The following TRIM8 variants were observed in gnomAD, a reference collection of about 807,000 sequenced individuals.
TRIM8 encodes tripartite motif containing 8.
Under a neutral mutation model 55.7 loss-of-function variants are expected in TRIM8, and 9 were observed. That is an observed-to-expected ratio of 0.16 (90% CI 0.10 to 0.28). The LOEUF (loss-of-function observed/expected upper bound fraction) is 0.28, where lower values mean the gene tolerates loss of function less well. Ranked by LOEUF, TRIM8 falls within the 10% of genes least tolerant of loss-of-function variation. The probability of loss-of-function intolerance (pLI) is 1.00; values close to 1 mark genes in which losing one functional copy is unlikely to be tolerated. For synonymous variants in TRIM8, 335 were observed against 333.3 expected, an observed-to-expected ratio of 1.01 and a Z score of -0.06; for missense variants, 556 against 736.4, an observed-to-expected ratio of 0.76 and a Z score of 2.83.
chr10:102,656,091 T>C lies in TRIM8; in HGVS notation c.901-15T>C. 6.2e-7 allele frequency: 1 copy of C among 1,614,010 alleles called. No homozygotes were observed. Among genetic ancestry groups the C allele is most frequent in the Non-Finnish European group, 8.5e-7 (1 of 1,179,998 alleles). On this transcript the variant is annotated splice_polypyrimidine_tract_variant and intron_variant, in intron 3 of 5. Transcript: ENST00000643721. This position sits in a 1 kb window ranked among gnomAD's most constrained non-coding sequence, Gnocchi z 4.6. ...TGCCTTTTCCACTGACTTGACTCTT[T>C]TCTCTCCCCAACAGAACACCAAGTC...
rs1165525494 is a variant in TRIM8 at position 102,657,859 on chromosome 10, T to A, written c.*505T>A. 1 of 152,630 alleles carries A rather than the reference T, an allele frequency of 6.6e-6. No homozygotes were observed. Among genetic ancestry groups the A allele is most frequent in the Non-Finnish European group, 1.5e-5 (1 of 68,132 alleles). The allele number at this position is 152,630 out of a possible 1,614,324, so 9.5% of individuals were successfully genotyped here. ...TAGATTGTGCGACTTTTGTTTTTGT[T>A]TTTTTAAATTTTTTTAAACCAAGAA... is the stretch of plus-strand genomic sequence containing the variant. On this transcript the variant is annotated 3_prime_UTR_variant, in exon 6 of 6. Coordinates refer to ENST00000643721, the MANE Select transcript of TRIM8 (RefSeq NM_030912.3).
intron 3 of TRIM8, among the ~76,000 whole-genome samples, chr10:102,655,860 G>A (rs1365155086): frequency 6.6e-6 from 1 of 152,098 alleles, no homozygotes; most frequent in Non-Finnish European, 1.5e-5. Context: ...CCTTCTCCTC[G>A]GGTATGGATG....
At chr10:102,649,053 T>TGTGTGC (rs780134238) in intron 1 of TRIM8, among the ~76,000 whole-genome samples, 1 of 152,120 alleles carries the variant, frequency 6.6e-6, no homozygotes, top group South Asian at 2.1e-4. Context: ...TGTGTGTGTG[T>TGTGTGC]GCGTGCATGT....
At chr10:102,655,785 A>ATT (rs2064018871) in intron 3 of TRIM8, among the ~76,000 whole-genome samples, 1 of 152,216 alleles carries the variant, frequency 6.6e-6, no homozygotes, top group African/African-American at 2.4e-5. Context: ...AATCCAAAAA[A>ATT]TTCCAAATTC....
chr10:102,656,580 G>T lies in TRIM8; in HGVS notation c.1049-167G>T. 7.7e-7 allele frequency: 1 copy of T among 1,305,898 alleles called. No homozygotes were observed. Among genetic ancestry groups the T allele is most frequent in the East Asian group, 2.5e-5 (1 of 40,068 alleles). 80.9% of individuals were successfully genotyped at this position (1,305,898 alleles called of 1,614,324 possible). A position where few individuals can be genotyped will look rare whatever the true frequency, so the allele number is the denominator to read the frequency against. On this transcript the variant is annotated intron_variant, in intron 5 of 5. Transcript: ENST00000643721. This position sits in a 1 kb window ranked among gnomAD's most constrained non-coding sequence, Gnocchi z 4.6. Reference sequence around the variant, plus strand: ...GCCTCCATTTCTTCAGCTTAAAGTGGGGATATAACTATTCTGTACCTCCTA... The same window carrying T: ...GCCTCCATTTCTTCAGCTTAAAGTGTGGATATAACTATTCTGTACCTCCTA...
intron 1 of TRIM8, among the ~76,000 whole-genome samples, chr10:102,646,547 G>A (rs1410801994): frequency 1.3e-5 from 2 of 152,202 alleles, no homozygotes; most frequent in Admixed American, 6.5e-5. Context: ...AGGCTGGGGC[G>A]GGGGCAGCAA....
intron 1 of TRIM8, chr10:102,653,438 T>A (rs2064000250): frequency 6.6e-6 from 1 of 152,594 alleles, no homozygotes; most frequent in African/African-American, 2.4e-5. Context: ...AGAGCCTTCA[T>A]TGCCATGCTA....
In TRIM8 at chr10:102,644,484, C is replaced by T. The variant is rs1162210420; in HGVS notation, c.-134C>T. On this transcript the variant is annotated 5_prime_UTR_variant, in exon 1 of 6. Coordinates refer to ENST00000643721, the MANE Select transcript of TRIM8 (RefSeq NM_030912.3). Reference sequence around the variant, plus strand: ...CTCCGGGGGGCGGGCACGCGGAAGGCGCTGCTGACTGAGCGACCGTCGGGG... The same window carrying T: ...CTCCGGGGGGCGGGCACGCGGAAGGTGCTGCTGACTGAGCGACCGTCGGGG... 34 of 780,664 alleles carry T rather than the reference C, an allele frequency of 4.4e-5. No individual in the cohort carries two copies. Among genetic ancestry groups the T allele is most frequent in the Non-Finnish European group, 4.6e-5 (24 of 526,222 alleles). 48.4% of individuals were successfully genotyped at this position (780,664 alleles called of 1,614,324 possible).
intron 1 of TRIM8, among the ~76,000 whole-genome samples, chr10:102,651,007 C>A (rs970307499): frequency 6.6e-6 from 1 of 152,180 alleles, no homozygotes; most frequent in Non-Finnish European, 1.5e-5. Flanking sequence ...TTCTCCCAGG[C>A]GCTGTCTGTA....
chr10:102,656,802 C>T lies in TRIM8; in HGVS notation c.1104C>T (p.Gly368=), dbSNP rs766663012. 12 of 1,521,292 alleles carry T rather than the reference C, an allele frequency of 7.9e-6. No individual in the cohort carries two copies. The Admixed American group carries it at 2.0e-4, about 25-fold the overall frequency. 94.2% of individuals were successfully genotyped at this position (1,521,292 alleles called of 1,614,324 possible). A position where few individuals can be genotyped will look rare whatever the true frequency, so the allele number is the denominator to read the frequency against. The change falls in exon 6 of 6, where the codon GGC becomes GGT. Residue 368 remains glycine (G), a synonymous_variant. Coordinates refer to ENST00000643721, the MANE Select transcript of TRIM8 (RefSeq NM_030912.3). The surrounding 1 kb of genome is among the most constrained non-coding windows in gnomAD (Gnocchi z 4.6). The stretch of plus-strand genomic sequence containing the variant: ...AGAGTGTCCCCCTGTACCCTTGCGG[C>T]GTGAGCAGCTCTGGGGCGGAAAAGC... ...FLQSVPLYPC[G]VSSSGAEKRK... is the part of the protein sequence containing the mutation.
chr10:102,654,935 G>A, intron 2 of TRIM8, 145 bp from the exon 3 acceptor site: 1 of 994,674 alleles, frequency 1.0e-6, no homozygotes, highest in Middle Eastern at 2.6e-4. Context: ...CTACCAGTGG[G>A]GAACTGGCAG....
rs1423349517 is a variant in TRIM8 at position 102,656,969 on chromosome 10, A to G, written c.1271A>G (p.His424Arg). ...QPLGPCSSTQ[H>R]LVALPGGAQP... is the part of the protein sequence containing the mutation. ...CTGGGGCCCTGCAGCTCCACGCAGC[A>G]CTTGGTGGCCCTGCCGGGCGGCGCC... Residue 424 changes from histidine (H) to arginine (R), a missense_variant, in exon 6 of 6, where the codon CAC becomes CGC. By Grantham distance (29) the His-to-Arg change is conservative (BLOSUM62 0). Transcript: ENST00000643721. This position sits in a 1 kb window ranked among gnomAD's most constrained non-coding sequence, Gnocchi z 4.6. The G allele has an allele frequency of 1.9e-6, 3 of 1,612,572 alleles. No homozygotes were observed. Among genetic ancestry groups the G allele is most frequent in the East Asian group, 2.2e-5 (1 of 44,870 alleles).
At chr10:102,655,430 G>T in intron 3 of TRIM8, 117 bp downstream of exon 3, 1 of 955,894 alleles carries the variant, frequency 1.0e-6, no homozygotes. Context: ...GCATGCATGG[G>T]TTCAAATCCA....
In TRIM8 at chr10:102,644,542, C is replaced by G; in HGVS notation, c.-76C>G. The G allele has an allele frequency of 7.0e-7, 1 of 1,438,486 alleles. No homozygotes were observed. The highest frequency in any genetic ancestry group is 9.4e-7 in the Non-Finnish European group (1 of 1,059,008). 89.1% of individuals were successfully genotyped at this position (1,438,486 alleles called of 1,614,324 possible). On this transcript the variant is annotated 5_prime_UTR_variant, in exon 1 of 6. Transcript: ENST00000643721. Reference sequence around the variant, plus strand: ...GGGCCGGAGCTCGGGGCTCGGTGGGCCTACAGCGGCTCCGGACGGACCCCC... The same window carrying G: ...GGGCCGGAGCTCGGGGCTCGGTGGGGCTACAGCGGCTCCGGACGGACCCCC...
Position 102,657,448 on chromosome 10 carries a change from G to C in TRIM8, c.*94G>C. The C allele has an allele frequency of 7.1e-7, 1 of 1,414,502 alleles. No individual in the cohort carries two copies. Among genetic ancestry groups the C allele is most frequent in the South Asian group, 1.4e-5 (1 of 69,590 alleles). 87.6% of individuals were successfully genotyped at this position (1,414,502 alleles called of 1,614,324 possible). A position where few individuals can be genotyped will look rare whatever the true frequency, so the allele number is the denominator to read the frequency against. ...AGAGACCTGCCCTTCTACCTTCCTC[G>C]CCTCCCCTCTTCCTCATTCCATTGC... On this transcript the variant is annotated 3_prime_UTR_variant, in exon 6 of 6. Transcript: ENST00000643721.
intron 1 of TRIM8, among the ~76,000 whole-genome samples, chr10:102,649,778 G>C (rs1160001077): frequency 6.6e-6 from 1 of 152,218 alleles, no homozygotes; most frequent in Non-Finnish European, 1.5e-5. Context: ...CTGGGGTTCA[G>C]TTCACATGAT....
chr10:102,644,557 GA>G lies in TRIM8; in HGVS notation c.-60del. The stretch of plus-strand genomic sequence containing the variant: ...GCTCGGTGGGCCTACAGCGGCTCCG[GA>G]CGGACCCCCGGGGCTGGGGAGTCGG... On this transcript the variant is annotated 5_prime_UTR_variant, in exon 1 of 6. Transcript: ENST00000643721. 1 of 1,544,026 alleles carries G rather than the reference GA, an allele frequency of 6.5e-7. No individual in the cohort carries two copies. Among genetic ancestry groups the G allele is most frequent in the Non-Finnish European group, 8.8e-7 (1 of 1,139,774 alleles).
rs1564722475 is a variant in TRIM8, at chr10:102,656,794, C to T, written c.1096C>T (p.Pro366Ser). ...CTTCCTGCAGAGTGTCCCCCTGTAC[C>T]CTTGCGGCGTGAGCAGCTCTGGGGC... ...VPFLQSVPLY[P>S]CGVSSSGAEK... The change falls in exon 6 of 6, where the codon CCT (proline) becomes TCT (serine). Residue 366 changes from proline to serine, a missense_variant. This residue lies in a region of TRIM8 where 391 missense variants were observed against 441.0 expected (regional missense o/e 0.89). Transcript: ENST00000643721. The surrounding 1 kb of genome is among the most constrained non-coding windows in gnomAD (Gnocchi z 4.6). 2.0e-6 allele frequency: 3 copies of T among 1,519,798 alleles called. No homozygotes were observed. The highest frequency in any genetic ancestry group is 1.8e-6 in the Non-Finnish European group (2 of 1,134,954). The allele number at this position is 1,519,798 out of a possible 1,614,324, so 94.1% of individuals were successfully genotyped here.
At chr10:102,654,773 C>A in intron 2 of TRIM8, 25 bp downstream of exon 2, 1 of 1,575,550 alleles carries the variant, frequency 6.3e-7, no homozygotes, top group Non-Finnish European at 8.7e-7. Context: ...GGCCATGCTG[C>A]GGGGTGGGGG....
Sources: gnomAD v4.1 joint callset for allele counts (sites outside exome capture counted in the v4.1 genomes callset) on GRCh38, gnomAD v4.1.1 for gene constraint, gnomAD v4.1.1 regional missense constraint, Gnocchi (gnomAD v3.1) non-coding constraint, MANE v1.5 for transcripts, NCBI Gene and HGNC (gene_info 2026-07-23, HGNC 2026-07-21) for gene names.